Variants in USP32 observed in about 807,000 individuals in gnomAD.
USP32 encodes the protein ubiquitin specific peptidase 32, also known as ubiquitin carboxyl-terminal hydrolase 32.
USP32 carries 59 observed loss-of-function variants against 204.8 expected under a neutral mutation model. The observed-to-expected ratio is 0.29, with a 90% CI of 0.23 to 0.36. USP32 has a LOEUF of 0.36. USP32 is among the 10% of genes least tolerant of loss of function. USP32 has a pLI of 1.00. For missense variants in USP32, 1,160 were observed against 1,946.4 expected (o/e 0.60, Z 7.60); for synonymous variants, 517 against 678.4 (o/e 0.76, Z 3.70).
chr17:60,226,204 A>T lies in USP32; in HGVS notation c.1267T>A (p.Ser423Thr), dbSNP rs752417298. 6.4e-7 allele frequency: 1 copy of T among 1,559,808 alleles called. No homozygotes were observed. Among genetic ancestry groups the T allele is most frequent in the Non-Finnish European group, 8.6e-7 (1 of 1,160,498 alleles). Residue 423 changes from serine (S) to threonine (T), a missense_variant, in exon 13 of 34, where the codon TCA (serine) becomes ACA (threonine). Ser to Thr is a moderately conservative substitution (Grantham distance 58). Around this residue, in one of 8 missense-constraint regions of USP32, gnomAD observed 536 missense variants for 680.9 expected, o/e 0.79. Transcript: ENST00000300896. Reference protein sequence around the residue: ...YDANPVVIEPSSVLNGGKYSF... With the variant: ...YDANPVVIEPTSVLNGGKYSF... ...TATTTTCCTCCATTCAAAACAGATG[A>T]TGGCTCAATTACCACAGGGTTGGCA...
At chr17:60,252,302 T>C (rs1489130786) in intron 11 of USP32, 79 bp downstream of exon 11, 1 of 1,101,576 alleles carries the variant, frequency 9.1e-7, no homozygotes, top group East Asian at 2.5e-5. Context: ...TACATTAAAA[T>C]AGGACATGCT....
intron 1 of USP32, among the ~76,000 whole-genome samples, chr17:60,351,728 G>C (rs2088955803): frequency 6.6e-6 from 1 of 152,178 alleles, no homozygotes; most frequent in Admixed American, 6.5e-5. Flanking sequence ...AAGCCCAGCT[G>C]TCAGGCATTT....
At chr17:60,290,659 A>T (rs2087247722) in intron 4 of USP32, among the ~76,000 whole-genome samples, 1 of 152,130 alleles carries the variant, frequency 6.6e-6, no homozygotes, top group South Asian at 2.1e-4. Context: ...AAATTCTTGT[A>T]ATCTCCAAAG....
chr17:60,199,769 A>C (rs1332819289), intron 26 of USP32, among the ~76,000 whole-genome samples: 3 of 152,208 alleles, frequency 2.0e-5, no homozygotes, highest in Non-Finnish European at 4.4e-5. Context: ...ATATTTTATA[A>C]AATTTTAAAA....
intron 1 of USP32, among the ~76,000 whole-genome samples, chr17:60,360,401 G>C (rs574137954): frequency 6.6e-6 from 1 of 152,264 alleles, no homozygotes; most frequent in East Asian, 1.9e-4. Flanking sequence ...GCTCATGCCT[G>C]TAATCCCAGC....
At chr17:60,224,576 G>C (rs1440914330) in intron 13 of USP32, among the ~76,000 whole-genome samples, 1 of 152,192 alleles carries the variant, frequency 6.6e-6, no homozygotes, top group Non-Finnish European at 1.5e-5. Flanking sequence ...CTTGAAGCCA[G>C]AAGACTGCAA....
At chr17:60,362,164 C>A (rs2089221666) in intron 1 of USP32, among the ~76,000 whole-genome samples, 2 of 152,160 alleles carry the variant, frequency 1.3e-5, no homozygotes, top group Non-Finnish European at 2.9e-5. Flanking sequence ...TCTGTTCCCC[C>A]AGCATCCCTG....
At chr17:60,251,483 A>G (rs1472858843) in intron 11 of USP32, among the ~76,000 whole-genome samples, 1 of 152,210 alleles carries the variant, frequency 6.6e-6, no homozygotes, top group Non-Finnish European at 1.5e-5. Context: ...AAACTACTGA[A>G]AAGTTTGTAT....
intron 11 of USP32, among the ~76,000 whole-genome samples, chr17:60,241,311 C>G (rs2145661079): frequency 6.6e-6 from 1 of 152,248 alleles, no homozygotes; most frequent in Admixed American, 6.5e-5. Context: ...ACAAACACAA[C>G]TCTATAAATA....
rs1012583513 is a variant in USP32 at position 60,345,162 on chromosome 17, C to T, written c.186+319G>A. Among the ~76,000 whole-genome samples the T allele has an allele frequency of 2.0e-5, 3 of 152,094 alleles. No homozygotes were observed. The East Asian group carries it at 5.8e-4, about 29-fold the overall frequency. ...ACATAAAATTTATAAAACATATTTG[C>T]AACATAAAAATTTTTATGTCACAGA... On this transcript the variant is annotated intron_variant, in intron 2 of 33. Coordinates refer to ENST00000300896, the MANE Select transcript of USP32 (RefSeq NM_032582.4).
intron 7 of USP32, among the ~76,000 whole-genome samples, chr17:60,267,391 G>C (rs1003332556): frequency 6.6e-6 from 1 of 152,044 alleles, no homozygotes; most frequent in African/African-American, 2.4e-5. Flanking sequence ...GCAACAGTGC[G>C]AGACTTCGTC....
At chr17:60,311,564 T>C (rs2087854698) in intron 2 of USP32, among the ~76,000 whole-genome samples, 1 of 152,216 alleles carries the variant, frequency 6.6e-6, no homozygotes, top group African/African-American at 2.4e-5. Context: ...GGCTCACGCC[T>C]GTAATCCCAA....
chr17:60,397,403 C>T (rs1442098651), intron 1 of USP32, among the ~76,000 whole-genome samples: 1 of 152,168 alleles, frequency 6.6e-6, no homozygotes, highest in Non-Finnish European at 1.5e-5. Flanking sequence ...CTCTCTATCA[C>T]TCAGGCTGGA....
Position 60,198,398 on chromosome 17 carries a change from C to T in USP32, c.3296G>A (p.Ser1099Asn). ...AACAATCAATGGCATTCCAAAGAGGCTGGGGCGATTCTTCTGAGATGACAG... is the reference window on the plus strand; with the variant it reads ...AACAATCAATGGCATTCCAAAGAGGTTGGGGCGATTCTTCTGAGATGACAG... ...YFLSSQKNRPSLFGMPLIVPC... is the reference protein window; with the variant it reads ...YFLSSQKNRPNLFGMPLIVPC... The change falls in exon 27 of 34, where the codon AGC (serine) becomes AAC (asparagine). Residue 1099 changes from serine (S) to asparagine (N), a missense_variant. Around this residue, in one of 8 missense-constraint regions of USP32, gnomAD observed 160 missense variants for 322.5 expected, o/e 0.50. Transcript: ENST00000300896. 1 of 1,614,088 alleles carries T rather than the reference C, an allele frequency of 6.2e-7. No individual in the cohort carries two copies. Among genetic ancestry groups the T allele is most frequent in the Non-Finnish European group, 8.5e-7 (1 of 1,179,988 alleles).
intron 27 of USP32, 75 bp from the exon 28 acceptor site, chr17:60,193,005 G>T (rs927817078): frequency 4.2e-5 from 63 of 1,509,980 alleles, no homozygotes; most frequent in Non-Finnish European, 5.4e-5. Context: ...ATCTTCTCTT[G>T]AAGTAACCCT....
intron 5 of USP32, among the ~76,000 whole-genome samples, chr17:60,286,008 T>A (rs955367805): frequency 2.6e-5 from 4 of 151,938 alleles, no homozygotes; most frequent in African/African-American, 4.8e-5. Context: ...TGGTAGTGCA[T>A]GCCTGTAATC....
intron 29 of USP32, among the ~76,000 whole-genome samples, chr17:60,187,644 T>C (rs2084282536): frequency 6.6e-6 from 1 of 152,242 alleles, no homozygotes; most frequent in Non-Finnish European, 1.5e-5. Context: ...TTATTGACTA[T>C]ATTTTCTGTG....
At chr17:60,273,008 G>A (rs545945729) in intron 5 of USP32, among the ~76,000 whole-genome samples, 37 of 152,196 alleles carry the variant, frequency 2.4e-4, no homozygotes, top group African/African-American at 8.9e-4. Flanking sequence ...TCACTCTGTC[G>A]CCCAGGCTGG....
chr17:60,383,982 T>C (rs2089688024), intron 1 of USP32, among the ~76,000 whole-genome samples: 1 of 152,202 alleles, frequency 6.6e-6, no homozygotes, highest in Admixed American at 6.5e-5. Context: ...GAGCAAAAGA[T>C]GATGGCAGTG....
Sources: gnomAD v4.1 joint callset for allele counts (sites outside exome capture counted in the v4.1 genomes callset) on GRCh38, gnomAD v4.1.1 for gene constraint, gnomAD v4.1.1 regional missense constraint, MANE v1.5 for transcripts, NCBI Gene and HGNC (gene_info 2026-07-23, HGNC 2026-07-21) for gene names.